Variants in PDE5A observed in about 807,000 individuals in gnomAD.
PDE5A encodes the protein phosphodiesterase 5A, also known as cGMP-specific 3',5'-cyclic phosphodiesterase.
Under a neutral mutation model 110.2 loss-of-function variants are expected in PDE5A, and 67 were observed. The ratio of observed to expected loss-of-function variants is 0.61; its 90% CI spans 0.50 to 0.75. The LOEUF is 0.75. Ranked by LOEUF, PDE5A falls within the 30% of genes least tolerant of loss-of-function variation. The pLI, the probability that PDE5A is intolerant of heterozygous loss-of-function variation, is 0.00. For synonymous variants in PDE5A, 328 were observed against 351.2 expected (o/e 0.93, Z 0.74); for missense variants, 862 against 1,045.1 (o/e 0.82, Z 2.42).
chr4:119,502,336 G>T, intron 19 of PDE5A: 1 of 304,886 alleles, frequency 3.3e-6, no homozygotes, highest in Middle Eastern at 1.0e-3. Flanking sequence ...TAATACTTAA[G>T]CGGAAAAAAA....
intron 1 of PDE5A, among the ~76,000 whole-genome samples, chr4:119,609,825 A>C (rs1050104775): frequency 6.6e-6 from 1 of 152,220 alleles, no homozygotes; most frequent in Non-Finnish European, 1.5e-5. Context: ...TATGTAAACT[A>C]CCTTGACTTA....
chr4:119,519,938 A>G (rs745841303), intron 13 of PDE5A, among the ~76,000 whole-genome samples: 1 of 152,138 alleles, frequency 6.6e-6, no homozygotes, highest in African/African-American at 2.4e-5. Flanking sequence ...TGGAGCACCA[A>G]TAAGTCTCAA....
intron 2 of PDE5A, among the ~76,000 whole-genome samples, chr4:119,602,376 T>C (rs1260870879): frequency 6.6e-6 from 1 of 152,192 alleles, no homozygotes. Flanking sequence ...CAGTTTCTTA[T>C]ACTGGTCTTG....
At chr4:119,614,990 G>C (rs1458993083) in intron 1 of PDE5A, among the ~76,000 whole-genome samples, 1 of 152,094 alleles carries the variant, frequency 6.6e-6, no homozygotes, top group Non-Finnish European at 1.5e-5. Flanking sequence ...AGGAATATTA[G>C]ACTAACAATC....
chr4:119,544,258 A>C (rs529088896), intron 9 of PDE5A, among the ~76,000 whole-genome samples: 1 of 152,300 alleles, frequency 6.6e-6, no homozygotes, highest in South Asian at 2.1e-4. Flanking sequence ...ATCTACTTTA[A>C]ACAGTAAAGA....
intron 2 of PDE5A, among the ~76,000 whole-genome samples, chr4:119,597,469 A>G (rs555615986): frequency 5.9e-5 from 9 of 152,248 alleles, no homozygotes; most frequent in Admixed American, 4.6e-4. Flanking sequence ...CTTGTCAGTA[A>G]AGGGAAAACC....
At chr4:119,605,834 G>A (rs1729509325) in intron 2 of PDE5A, among the ~76,000 whole-genome samples, 1 of 152,090 alleles carries the variant, frequency 6.6e-6, no homozygotes, top group African/African-American at 2.4e-5. Flanking sequence ...TAAGGCACCA[G>A]GAACACAATA....
chr4:119,592,001 T>C (rs1728982339), intron 3 of PDE5A, among the ~76,000 whole-genome samples: 1 of 147,852 alleles, frequency 6.8e-6, no homozygotes, highest in African/African-American at 2.5e-5. Flanking sequence ...AATACAAAAA[T>C]TAGCTGGGTG....
intron 3 of PDE5A, among the ~76,000 whole-genome samples, chr4:119,588,469 G>A (rs1336150833): frequency 6.0e-5 from 9 of 149,106 alleles, no homozygotes; most frequent in Non-Finnish European, 1.3e-4. Context: ...GAGCCACCGC[G>A]CCTAGCCTAC....
chr4:119,590,159 A>G (rs1469859442), intron 3 of PDE5A, among the ~76,000 whole-genome samples: 1 of 152,152 alleles, frequency 6.6e-6, no homozygotes, highest in Non-Finnish European at 1.5e-5. Flanking sequence ...TTCATGTCTC[A>G]GTTTCCTTTT....
At chr4:119,578,851 A>G (rs1728481912) in intron 3 of PDE5A, among the ~76,000 whole-genome samples, 1 of 152,202 alleles carries the variant, frequency 6.6e-6, no homozygotes, top group Non-Finnish European at 1.5e-5. Flanking sequence ...ATCTAATTAA[A>G]CTAAAGAGCT....
rs1036238140 is a variant in PDE5A at position 119,525,903 on chromosome 4, AAGT to A, written c.1633-211_1633-209del. 1.3e-5 allele frequency among the ~76,000 whole-genome samples: 2 copies of A among 152,118 alleles called. No homozygotes were observed. Among genetic ancestry groups the A allele is most frequent in the Admixed American group, 1.3e-4 (2 of 15,254 alleles). ...ACATAAGGGTAATTAATATGGTTCA[AAGT>A]AGGCTAAGTGGAGAAAAGGGAGTTG... is the stretch of plus-strand genomic sequence containing the variant. On this transcript the variant is annotated intron_variant, in intron 11 of 20. Transcript: ENST00000354960. This position sits in a 1 kb window ranked among gnomAD's most constrained non-coding sequence, Gnocchi z 4.3.
chr4:119,625,565 T>C (rs1034693382), intron 1 of PDE5A, among the ~76,000 whole-genome samples: 3 of 152,204 alleles, frequency 2.0e-5, no homozygotes, highest in African/African-American at 7.2e-5. Context: ...CTGGTGCAGA[T>C]GGACGATCTG....
chr4:119,502,288 A>AATAC, intron 19 of PDE5A: 1 of 236,660 alleles, frequency 4.2e-6, no homozygotes, highest in Admixed American at 5.1e-5. Flanking sequence ...TAATCATGAT[A>AATAC]ATACATAAGA....
intron 3 of PDE5A, among the ~76,000 whole-genome samples, chr4:119,588,118 C>T (rs1457613360): frequency 6.6e-6 from 1 of 151,662 alleles, no homozygotes; most frequent in Non-Finnish European, 1.5e-5. Context: ...ATCTTGTCAC[C>T]TTATATAGAT....
chr4:119,613,788 G>A lies in PDE5A; in HGVS notation c.153-6491C>T, dbSNP rs115485537. On this transcript the variant is annotated intron_variant, in intron 1 of 20. Coordinates refer to ENST00000354960, the MANE Select transcript of PDE5A (RefSeq NM_001083.4). The stretch of plus-strand genomic sequence containing the variant: ...AAAAACCATAATTTTATTTAAACCT[G>A]GTGAGGCAGGCATTAATGGTCCTAC... Among the ~76,000 whole-genome samples, 326 of 151,728 alleles carry A rather than the reference G, an allele frequency of 2.1e-3. 2 individuals are homozygous for A. Among genetic ancestry groups the A allele is most frequent in the African/African-American group, 7.6e-3 (316 of 41,400 alleles).
At chr4:119,593,867 G>T (rs1392305544) in intron 3 of PDE5A, among the ~76,000 whole-genome samples, 2 of 152,238 alleles carry the variant, frequency 1.3e-5, no homozygotes, top group East Asian at 3.9e-4. Flanking sequence ...ATGGCAGAAG[G>T]CAAAGGAGAA....
chr4:119,538,142 C>T (rs1000093386), intron 11 of PDE5A, among the ~76,000 whole-genome samples: 12 of 151,898 alleles, frequency 7.9e-5, no homozygotes, highest in Non-Finnish European at 1.3e-4. Flanking sequence ...GGCTTCAGTG[C>T]GGCCTTCATA....
At position 119,594,440 on chromosome 4, in the gene PDE5A, G is replaced by A. The variant is rs899772103; in HGVS notation, c.831+2083C>T. Among the ~76,000 whole-genome samples the A allele has an allele frequency of 3.3e-5, 5 of 151,812 alleles. 1 individual carries two copies. The highest frequency in any genetic ancestry group is 4.2e-4 in the South Asian group (2 of 4,816). ...CTGAACATTGTCTTCCTAAGTGCAC[G>A]GAATCTTAGTCTGTGGTTTATAACT... On this transcript the variant is annotated intron_variant, in intron 3 of 20. Transcript: ENST00000354960.
Sources: gnomAD v4.1 joint callset for allele counts (sites outside exome capture counted in the v4.1 genomes callset) on GRCh38, gnomAD v4.1.1 for gene constraint, Gnocchi (gnomAD v3.1) non-coding constraint, MANE v1.5 for transcripts, NCBI Gene and HGNC (gene_info 2026-07-23, HGNC 2026-07-21) for gene names.